Variants in DACH2 observed in about 807,000 individuals in gnomAD.
DACH2 encodes the protein dachshund homolog 2.
A neutral mutation model predicts 35.8 loss-of-function variants in DACH2; 17 were observed. The observed-to-expected ratio is 0.48, with a 90% confidence interval of 0.33 to 0.71. The LOEUF (loss-of-function observed/expected upper bound fraction) is 0.71. Among genes scored for constraint, DACH2 ranks in the 30% least tolerant of loss-of-function variants. The pLI, the probability that DACH2 is intolerant of heterozygous loss-of-function variation, is 0.02. For missense variants in DACH2, 469 were observed against 472.7 expected, an observed-to-expected ratio of 0.99 and a Z score of 0.07; for synonymous variants, 195 against 177.3, an observed-to-expected ratio of 1.10 and a Z score of -0.79.
chrX:86,539,202 G>A (rs938560895), intron 3 of DACH2, among the ~76,000 whole-genome samples: 1 of 110,840 alleles, frequency 9.0e-6, no homozygotes. Flanking sequence ...GGGATCTGAT[G>A]GTTTTAAAGT....
At chrX:86,714,833 G>T in intron 6 of DACH2, 113 bp downstream of exon 6, 1 of 680,571 alleles carries the variant, frequency 1.5e-6, no homozygotes, top group South Asian at 3.9e-5. Flanking sequence ...GACTCAGTTA[G>T]TTAGCATACA....
chrX:86,774,658 A>G (rs1249214915), intron 7 of DACH2, among the ~76,000 whole-genome samples: 1 of 112,053 alleles, frequency 8.9e-6, no homozygotes, highest in Admixed American at 9.5e-5. Flanking sequence ...TCCTTTACAT[A>G]GTGCTTTCCC....
At chrX:86,464,670 A>G (rs774201624) in intron 2 of DACH2, among the ~76,000 whole-genome samples, 7 of 111,501 alleles carry the variant, frequency 6.3e-5, no homozygotes, top group African/African-American at 2.3e-4. Context: ...CATGTATCCC[A>G]TAACTTAAAG....
chrX:86,556,950 A>C (rs1409961017), intron 3 of DACH2, among the ~76,000 whole-genome samples: 1 of 106,879 alleles, frequency 9.4e-6, no homozygotes, highest in East Asian at 3.1e-4. Context: ...CCGAGTGTGA[A>C]GGCCTGAGAA....
chrX:86,149,234 C>G (rs948832585), intron 1 of DACH2, 126 bp downstream of exon 1: 30 of 845,832 alleles, frequency 3.5e-5, no homozygotes, highest in Non-Finnish European at 4.5e-5. Flanking sequence ...ATTCTTCACG[C>G]TGTAAATCGG....
chrX:86,655,776 T>G (rs958769283), intron 4 of DACH2, among the ~76,000 whole-genome samples: 6 of 111,182 alleles, frequency 5.4e-5, no homozygotes, highest in Non-Finnish European at 1.9e-5. Context: ...TGACATGGAA[T>G]GTAATAAAAG....
At chrX:86,320,590 TGTAAACA>T (rs936576642) in intron 1 of DACH2, among the ~76,000 whole-genome samples, 1 of 112,123 alleles carries the variant, frequency 8.9e-6, no homozygotes, top group African/African-American at 3.2e-5. Flanking sequence ...TTGTGTGGGG[TGTAAACA>T]GTTAAGTTAT....
intron 2 of DACH2, among the ~76,000 whole-genome samples, chrX:86,443,079 A>C (rs2037197573): frequency 9.0e-6 from 1 of 111,511 alleles, no homozygotes; most frequent in African/African-American, 3.3e-5. Flanking sequence ...GTTCCATATA[A>C]TTTTTAGAAT....
chrX:86,685,294 A>T (rs372118868), intron 4 of DACH2, among the ~76,000 whole-genome samples: 7 of 109,035 alleles, frequency 6.4e-5, no homozygotes, highest in African/African-American at 2.3e-4. Flanking sequence ...CCTGCTGAAA[A>T]CTCCTACTCT....
intron 3 of DACH2, among the ~76,000 whole-genome samples, chrX:86,603,027 A>G (rs2039810698): frequency 9.0e-6 from 1 of 111,720 alleles, no homozygotes; most frequent in Admixed American, 9.5e-5. Context: ...CGTAAACAAC[A>G]GAAATTTATT....
rs142963232 is a variant in DACH2, at chrX:86,691,092, ACTGCCTACC to A, written c.773-3924_773-3916del. ...GAGGTTACTTTATTTTCCCAAGCCA[ACTGCCTACC>A]CTGCTAGCCTCTTAGTCATGCCTTG... On this transcript the variant is annotated intron_variant, in intron 4 of 11. Coordinates refer to ENST00000373125, the MANE Select transcript of DACH2 (RefSeq NM_053281.3). 8.8e-3 allele frequency among the ~76,000 whole-genome samples: 989 copies of A among 111,876 alleles called. 4 individuals carry two copies. Among genetic ancestry groups the A allele is most frequent in the Non-Finnish European group, 0.015 (781 of 53,103 alleles).
intron 2 of DACH2, among the ~76,000 whole-genome samples, chrX:86,438,890 C>T (rs748680095): frequency 3.6e-5 from 4 of 112,064 alleles, no homozygotes; most frequent in Admixed American, 2.8e-4. Flanking sequence ...TAGTAATAGC[C>T]AGTCTGACTG....
chrX:86,288,142 A>C (rs762200124), intron 1 of DACH2, among the ~76,000 whole-genome samples: 9 of 112,505 alleles, frequency 8.0e-5, no homozygotes, highest in African/African-American at 2.9e-4. Context: ...AGACTCCTAG[A>C]GGTATTACCT....
chrX:86,485,562 G>A (rs2038006896), intron 2 of DACH2, among the ~76,000 whole-genome samples: 1 of 111,194 alleles, frequency 9.0e-6, no homozygotes. Flanking sequence ...GATAAATATG[G>A]CAATTACTCT....
At chrX:86,610,353 TCCTTCCTTCC>T (rs1290168370) in intron 3 of DACH2, among the ~76,000 whole-genome samples, 3 of 99,837 alleles carry the variant, frequency 3.0e-5, no homozygotes, top group African/African-American at 7.0e-5. Context: ...TCTCCTTCCT[TCCTTCCTTCC>T]TCTTTCTTTC....
chrX:86,650,982 AGTT>A (rs746030515), intron 3 of DACH2, 51 bp from the exon 4 acceptor site: 7 of 1,040,975 alleles, frequency 6.7e-6, no homozygotes, highest in South Asian at 2.6e-5. Context: ...CTAAAATAAA[AGTT>A]GAAATTATTA....
At chrX:86,404,982 G>T (rs1283150157) in intron 2 of DACH2, among the ~76,000 whole-genome samples, 1 of 112,430 alleles carries the variant, frequency 8.9e-6, no homozygotes, top group Non-Finnish European at 1.9e-5. Flanking sequence ...AGCAGCCTGA[G>T]CTCTACGTTG....
chrX:86,370,695 G>C (rs1332289317), intron 1 of DACH2, among the ~76,000 whole-genome samples: 1 of 111,484 alleles, frequency 9.0e-6, no homozygotes, highest in East Asian at 2.8e-4. Flanking sequence ...ATTTATGAAG[G>C]TTTTGAGGAA....
intron 4 of DACH2, among the ~76,000 whole-genome samples, chrX:86,682,794 C>A (rs1007623203): frequency 4.5e-5 from 5 of 111,424 alleles, no homozygotes; most frequent in Non-Finnish European, 9.4e-5. Context: ...TTGATTCTAT[C>A]TATTGATTTA....
Sources: gnomAD v4.1 joint callset for allele counts (sites outside exome capture counted in the v4.1 genomes callset) on GRCh38, gnomAD v4.1.1 for gene constraint, MANE v1.5 for transcripts, NCBI Gene and HGNC (gene_info 2026-07-23, HGNC 2026-07-21) for gene names.